Variants in FAM171B observed in about 807,000 individuals in gnomAD.
The protein encoded by FAM171B is protein FAM171B.
A neutral mutation model predicts 75.6 loss-of-function variants in FAM171B; 19 were observed. The ratio of observed to expected loss-of-function variants is 0.25; its 90% CI spans 0.18 to 0.37. The LOEUF is 0.37. Ranked by LOEUF, FAM171B falls within the 10% of genes least tolerant of loss-of-function variation. FAM171B has a pLI of 1.00. For synonymous variants in FAM171B, 367 were observed against 361.7 expected (o/e 1.01, Z -0.17); for missense variants, 848 against 982.4 (o/e 0.86, Z 1.83).
chr2:186,749,481 T>TACAAGCATGCCA (rs948499447), intron 4 of FAM171B, among the ~76,000 whole-genome samples: 2 of 152,202 alleles, frequency 1.3e-5, no homozygotes, highest in African/African-American at 4.8e-5. Flanking sequence ...GTGGATGGCT[T>TACAAGCATGCCA]ACAAGCATGC....
intron 3 of FAM171B, among the ~76,000 whole-genome samples, chr2:186,743,837 C>T (rs539944674): frequency 1.3e-5 from 2 of 152,240 alleles, no homozygotes; most frequent in Admixed American, 6.5e-5. Context: ...GTTCTTCTTT[C>T]CAAATCACAT....
intron 4 of FAM171B, 37 bp downstream of exon 4, chr2:186,747,287 A>G: frequency 7.3e-7 from 1 of 1,366,806 alleles, no homozygotes; most frequent in Non-Finnish European, 9.8e-7. Flanking sequence ...GTTATAAGAA[A>G]CATTAGTACA....
At chr2:186,698,690 A>AT (rs1456883725) in intron 1 of FAM171B, among the ~76,000 whole-genome samples, 1 of 152,182 alleles carries the variant, frequency 6.6e-6, no homozygotes, top group East Asian at 1.9e-4. Flanking sequence ...ATTGTTTACT[A>AT]TATTTACCCT....
At chr2:186,737,231 C>T (rs1037416941) in intron 1 of FAM171B, among the ~76,000 whole-genome samples, 1 of 152,206 alleles carries the variant, frequency 6.6e-6, no homozygotes, top group African/African-American at 2.4e-5. Context: ...TACAAAGGCA[C>T]TTTCATGGTG....
chr2:186,711,003 A>G (rs1330423611), intron 1 of FAM171B, among the ~76,000 whole-genome samples: 1 of 152,148 alleles, frequency 6.6e-6, no homozygotes, highest in Non-Finnish European at 1.5e-5. Context: ...GATAATTTTC[A>G]GTGTACAAGT....
At chr2:186,732,549 A>T (rs1008308751) in intron 1 of FAM171B, among the ~76,000 whole-genome samples, 5 of 152,218 alleles carry the variant, frequency 3.3e-5, no homozygotes, top group Admixed American at 3.3e-4. Flanking sequence ...AAAAGGTTTT[A>T]GAGCAGGAAC....
chr2:186,715,413 G>A (rs1206331580), intron 1 of FAM171B, among the ~76,000 whole-genome samples: 1 of 152,042 alleles, frequency 6.6e-6, no homozygotes, highest in African/African-American at 2.4e-5. Flanking sequence ...ATGTTGCCTA[G>A]GCTGGTCTTG....
intron 1 of FAM171B, among the ~76,000 whole-genome samples, chr2:186,700,737 G>A (rs1374804352): frequency 2.0e-5 from 3 of 152,158 alleles, no homozygotes; most frequent in East Asian, 3.9e-4. Context: ...ATATCTGTTG[G>A]ATAAATGCCT....
chr2:186,727,458 T>C (rs1690050735), intron 1 of FAM171B, among the ~76,000 whole-genome samples: 1 of 152,226 alleles, frequency 6.6e-6, no homozygotes, highest in Non-Finnish European at 1.5e-5. Flanking sequence ...TATGAGACAG[T>C]GTAGAACAGG....
intron 1 of FAM171B, among the ~76,000 whole-genome samples, chr2:186,733,896 G>A (rs147009036): frequency 4.5e-4 from 68 of 152,274 alleles, no homozygotes; most frequent in African/African-American, 1.4e-3. Context: ...GGCTCAGGGA[G>A]CTCCTAGGTC....
intron 1 of FAM171B, among the ~76,000 whole-genome samples, chr2:186,737,119 A>G (rs1186895788): frequency 2.6e-5 from 4 of 152,206 alleles, no homozygotes; most frequent in Admixed American, 2.6e-4. Flanking sequence ...TAACTTGCCC[A>G]AGGTCACATG....
chr2:186,762,777 A>C lies in FAM171B; in HGVS notation c.2435A>C (p.Asn812Thr), dbSNP rs754636941. 2 of 1,613,158 alleles carry C rather than the reference A, an allele frequency of 1.2e-6. No individual in the cohort carries two copies. The highest frequency in any genetic ancestry group is 3.3e-5 in the Admixed American group (2 of 59,892). The change falls in exon 8 of 8, where the codon AAC (asparagine) becomes ACC (threonine). Residue 812 changes from asparagine to threonine, a missense_variant. By Grantham distance (65) the Asn-to-Thr change is moderately conservative. Coordinates refer to ENST00000304698, the MANE Select transcript of FAM171B (RefSeq NM_177454.4). This position sits in a 1 kb window ranked among gnomAD's most constrained non-coding sequence, Gnocchi z 4.0. ...CTAGCCAAAAGAGATAGCAAGACTA[A>C]CATCTGGAAGAAGCGAGAGGAACGC... ...PPLAKRDSKT[N>T]IWKKREERPL...
At position 186,697,539 on chromosome 2, in the gene FAM171B, C is replaced by T. The variant is rs1320510281; in HGVS notation, c.238+3128C>T. On this transcript the variant is annotated intron_variant, in intron 1 of 7. Coordinates refer to ENST00000304698, the MANE Select transcript of FAM171B (RefSeq NM_177454.4). Reference sequence around the variant, plus strand: ...AAAATGTTGGTTTACAAGCATGAACCATAATTCTTTACCTGAGTATACTTA... The same window carrying T: ...AAAATGTTGGTTTACAAGCATGAACTATAATTCTTTACCTGAGTATACTTA... Among the ~76,000 whole-genome samples, 5 of 152,148 alleles carry T rather than the reference C, an allele frequency of 3.3e-5. No individual in the cohort carries two copies. In the East Asian group the frequency reaches 9.6e-4, roughly 29 times the overall value.
chr2:186,716,250 G>A (rs1689873420), intron 1 of FAM171B, among the ~76,000 whole-genome samples: 1 of 152,146 alleles, frequency 6.6e-6, no homozygotes, highest in African/African-American at 2.4e-5. Flanking sequence ...CTGGCTTTAA[G>A]TGATCATCCT....
intron 1 of FAM171B, among the ~76,000 whole-genome samples, chr2:186,739,785 T>A (rs1163799351): frequency 6.6e-6 from 1 of 152,226 alleles, no homozygotes; most frequent in Non-Finnish European, 1.5e-5. Flanking sequence ...TATAGTAAAT[T>A]CATAAACCAG....
intron 1 of FAM171B, among the ~76,000 whole-genome samples, chr2:186,709,663 G>A (rs925847860): frequency 1.3e-5 from 2 of 152,144 alleles, no homozygotes; most frequent in Non-Finnish European, 2.9e-5. Flanking sequence ...GTTGTGTGTT[G>A]ATGTCTCCTA....
rs534836678 is a variant in FAM171B, at chr2:186,743,472, A to T, written c.473-11A>T. ...TTAAGTAAAATATTCTAATTGTGCT[A>T]TATTTCACAGTATATTCATCAGTTA... On this transcript the variant is annotated splice_polypyrimidine_tract_variant and intron_variant, in intron 2 of 7. Coordinates refer to ENST00000304698, the MANE Select transcript of FAM171B (RefSeq NM_177454.4). 2 of 1,578,764 alleles carry T rather than the reference A, an allele frequency of 1.3e-6. No homozygotes were observed. The highest frequency in any genetic ancestry group is 1.7e-6 in the Non-Finnish European group (2 of 1,149,346).
chr2:186,715,389 G>A (rs1042820725), intron 1 of FAM171B, among the ~76,000 whole-genome samples: 3 of 152,046 alleles, frequency 2.0e-5, no homozygotes, highest in Admixed American at 6.6e-5. Context: ...TTTTTGTAGA[G>A]ACAGGGACTC....
At chr2:186,736,122 C>A (rs1039036808) in intron 1 of FAM171B, among the ~76,000 whole-genome samples, 2 of 152,128 alleles carry the variant, frequency 1.3e-5, no homozygotes, top group Non-Finnish European at 1.5e-5. Flanking sequence ...ACTAATGGAA[C>A]CTCATTTTAA....
Sources: gnomAD v4.1 joint callset for allele counts (sites outside exome capture counted in the v4.1 genomes callset) on GRCh38, gnomAD v4.1.1 for gene constraint, Gnocchi (gnomAD v3.1) non-coding constraint, MANE v1.5 for transcripts, NCBI Gene and HGNC (gene_info 2026-07-23, HGNC 2026-07-21) for gene names.